Variants in NOL4L observed in about 807,000 individuals in gnomAD.
NOL4L encodes nucleolar protein 4-like.
NOL4L carries 7 observed loss-of-function variants against 64.5 expected under a neutral mutation model. The observed-to-expected ratio is 0.11, with a 90% CI of 0.06 to 0.20. NOL4L has a LOEUF of 0.20. Among genes scored for constraint, NOL4L ranks in the 10% least tolerant of loss-of-function variants. The pLI, the probability that NOL4L is intolerant of heterozygous loss-of-function variation, is 1.00. For synonymous variants in NOL4L, 413 were observed against 401.0 expected (o/e 1.03, Z -0.36); for missense variants, 680 against 967.1 (o/e 0.70, Z 3.94).
rs1002220581 is a variant in NOL4L, at chr20:32,474,833, C to T, written c.700-91G>A. 4 of 1,466,220 alleles carry T rather than the reference C, an allele frequency of 2.7e-6. No individual in the cohort carries two copies. The African/African-American group carries it at 4.2e-5, about 16-fold the overall frequency. 90.8% of individuals were successfully genotyped at this position (1,466,220 alleles called of 1,614,324 possible). ...GTGGGTGGACCCCAGGGCCAGTGGG[C>T]GTTTGGGAGTGCCCTGAAGGCGGCA... On this transcript the variant is annotated intron_variant, in intron 4 of 10. Transcript: ENST00000621426.
intron 1 of NOL4L, among the ~76,000 whole-genome samples, chr20:32,555,902 G>A (rs776506934): frequency 1.3e-5 from 2 of 152,068 alleles, no homozygotes; most frequent in Non-Finnish European, 2.9e-5. Context: ...GGTGGCCTCC[G>A]AGAAGCCCTC....
chr20:32,531,348 G>A (rs191752996), intron 1 of NOL4L, among the ~76,000 whole-genome samples: 46 of 152,030 alleles, frequency 3.0e-4, no homozygotes, highest in Admixed American at 3.0e-3. Context: ...GCCTTAGGTG[G>A]GTTACTTTAT....
intron 1 of NOL4L, among the ~76,000 whole-genome samples, chr20:32,540,094 G>A (rs1264956958): frequency 1.3e-5 from 2 of 152,158 alleles, no homozygotes; most frequent in African/African-American, 2.4e-5. Context: ...TCCATTTGCC[G>A]GTCTGTCTGC....
rs1555792102 is a variant in NOL4L, at chr20:32,468,917, A to AAAAAG, written c.841+5683_841+5684insCTTTT. Among the ~76,000 whole-genome samples the AAAAAG allele has an allele frequency of 6.9e-4, 76 of 109,766 alleles. 1 individual carries two copies. The highest frequency in any genetic ancestry group is 2.6e-3 in the African/African-American group (65 of 25,430). 72.0% of individuals were successfully genotyped at this position (109,766 alleles called of 152,430 possible). A position where few individuals can be genotyped will look rare whatever the true frequency, so the allele number is the denominator to read the frequency against. On this transcript the variant is annotated intron_variant, in intron 5 of 10. Transcript: ENST00000621426. The stretch of plus-strand genomic sequence containing the variant: ...CTCCATCTCAAAAAAAAAAAAAAAA[A>AAAAAG]AAAGAAAGAAAGAAAGAAAGAAAAA...
At chr20:32,462,518 C>T (rs549355137) in intron 5 of NOL4L, among the ~76,000 whole-genome samples, 15 of 152,098 alleles carry the variant, frequency 9.9e-5, no homozygotes, top group African/African-American at 2.4e-4. Context: ...CAGGAGAACG[C>T]GCCTGTCACT....
intron 1 of NOL4L, among the ~76,000 whole-genome samples, chr20:32,541,008 T>TACACACACACACACACACAC (rs10675320): frequency 2.0e-4 from 27 of 133,602 alleles, no homozygotes; most frequent in East Asian, 9.8e-4. Flanking sequence ...CGCCACCCCC[T>TACACACACACACACACACAC]ACACACACAC....
intron 1 of NOL4L, among the ~76,000 whole-genome samples, chr20:32,550,436 G>A (rs2018784421): frequency 6.6e-6 from 1 of 152,188 alleles, no homozygotes; most frequent in Admixed American, 6.5e-5. Flanking sequence ...CATACAAAAG[G>A]TACAGTAAAC....
At chr20:32,467,656 C>T (rs1395892392) in intron 5 of NOL4L, among the ~76,000 whole-genome samples, 1 of 152,222 alleles carries the variant, frequency 6.6e-6, no homozygotes, top group African/African-American at 2.4e-5. Context: ...CATCCAGTCC[C>T]AGCCTGGCCC....
chr20:32,520,481 T>C (rs1568682405), intron 3 of NOL4L, among the ~76,000 whole-genome samples: 2 of 151,962 alleles, frequency 1.3e-5, no homozygotes, highest in Non-Finnish European at 2.9e-5. Context: ...GAGGCATGGA[T>C]GGAACTTTGA....
chr20:32,572,958 G>C (rs755919), intron 1 of NOL4L, among the ~76,000 whole-genome samples: 12,136 of 152,104 alleles, frequency 0.08, 1,654 homozygotes, highest in African/African-American at 0.28. Context: ...TCTTGTTTCC[G>C]ATGCTGAGCA....
chr20:32,557,735 G>T (rs1978754284), intron 1 of NOL4L, among the ~76,000 whole-genome samples: 1 of 152,214 alleles, frequency 6.6e-6, no homozygotes, highest in Non-Finnish European at 1.5e-5. Context: ...CTGGGGGAAA[G>T]AAAAAGTTTG....
intron 1 of NOL4L, among the ~76,000 whole-genome samples, chr20:32,530,035 T>G (rs2018286517): frequency 1.3e-5 from 2 of 152,358 alleles, no homozygotes; most frequent in African/African-American, 4.8e-5. Flanking sequence ...GACTAACTTG[T>G]TCACTATTGA....
At chr20:32,578,478 T>C (rs955622714) in intron 1 of NOL4L, among the ~76,000 whole-genome samples, 5 of 152,204 alleles carry the variant, frequency 3.3e-5, no homozygotes, top group Admixed American at 6.5e-5. Context: ...CTCTAACTCC[T>C]GAGCTGAAGT....
chr20:32,567,377 C>T (rs1400031148), intron 1 of NOL4L, among the ~76,000 whole-genome samples: 1 of 152,198 alleles, frequency 6.6e-6, no homozygotes, highest in Non-Finnish European at 1.5e-5. Flanking sequence ...ACACTAGCTG[C>T]CATGGCGAGG....
chr20:32,535,102 G>T (rs1321505917), intron 1 of NOL4L, among the ~76,000 whole-genome samples: 1 of 151,974 alleles, frequency 6.6e-6, no homozygotes, highest in Non-Finnish European at 1.5e-5. Flanking sequence ...AAACCAGAAT[G>T]AAGACCATCA....
chr20:32,495,918 C>G (rs2016670967), intron 4 of NOL4L, among the ~76,000 whole-genome samples: 1 of 152,158 alleles, frequency 6.6e-6, no homozygotes. Context: ...GATCATATCA[C>G]TGCACCCCAA....
intron 1 of NOL4L, among the ~76,000 whole-genome samples, chr20:32,557,841 G>A (rs917474979): frequency 1.3e-5 from 2 of 152,204 alleles, no homozygotes; most frequent in Non-Finnish European, 2.9e-5. Flanking sequence ...GAGGCAGGTG[G>A]ATCACTTGAG....
At chr20:32,469,758 C>T (rs1038417361) in intron 5 of NOL4L, among the ~76,000 whole-genome samples, 1 of 152,256 alleles carries the variant, frequency 6.6e-6, no homozygotes, top group Admixed American at 6.5e-5. Flanking sequence ...GGCTCCTGCC[C>T]TCAGCAAGCT....
Position 32,584,753 on chromosome 20 carries a change from G to A in NOL4L, c.138C>T (p.Arg46=). ...GDSAKTKTVT[R]SKYQRIAEVL... is the part of the protein sequence containing the mutation. ...CCTCGGCGATCCGCTGGTATTTGCT[G>A]CGTGTCACCGTCTTGGTTTTGGCCG... Residue 46 remains arginine (R), a synonymous_variant, in exon 1 of 11, where the codon CGC becomes CGT. Transcript: ENST00000621426. 6.5e-7 allele frequency: 1 copy of A among 1,546,480 alleles called. No individual in the cohort carries two copies. The highest frequency in any genetic ancestry group is 1.2e-5 in the South Asian group (1 of 83,746).
Sources: gnomAD v4.1 joint callset for allele counts (sites outside exome capture counted in the v4.1 genomes callset) on GRCh38, gnomAD v4.1.1 for gene constraint, MANE v1.5 for transcripts, NCBI Gene and HGNC (gene_info 2026-07-23, HGNC 2026-07-21) for gene names.